The following ADAMTS9 variants were observed in gnomAD, a reference collection of about 807,000 sequenced individuals.
The protein encoded by ADAMTS9 is ADAM metallopeptidase with thrombospondin type 1 motif 9.
ADAMTS9 carries 107 observed loss-of-function variants against 257.1 expected under a neutral mutation model. That is an observed-to-expected ratio of 0.42 (90% CI 0.36 to 0.49). The LOEUF is 0.49. ADAMTS9 is among the 20% of genes least tolerant of loss of function. The pLI is 0.03. For synonymous variants in ADAMTS9, 982 were observed against 880.9 expected, an observed-to-expected ratio of 1.11 and a Z score of -2.03; for missense variants, 2,353 against 2,469.1, an observed-to-expected ratio of 0.95 and a Z score of 1.00.
rs368793760 is a variant in ADAMTS9, at chr3:64,616,217, A to G, written c.2814-47T>C. The stretch of plus-strand genomic sequence containing the variant: ...AAACCAACATTTCTGTTAAAAATAT[A>G]TGCCTTATCTATAGTCAACTGGTAT... On this transcript the variant is annotated intron_variant, in intron 19 of 39. Transcript: ENST00000498707. The G allele has an allele frequency of 8.2e-6, 13 of 1,590,992 alleles. No individual in the cohort carries two copies. In the African/African-American group the frequency reaches 1.5e-4, roughly 18 times the overall value.
intron 3 of ADAMTS9, among the ~76,000 whole-genome samples, chr3:64,677,413 A>G (rs1333829660): frequency 1.3e-5 from 2 of 152,212 alleles, no homozygotes; most frequent in Non-Finnish European, 2.9e-5. Flanking sequence ...AACTTGCAAG[A>G]AAGAAAATAT....
At chr3:64,582,097 G>T (rs1389041534) in intron 28 of ADAMTS9, among the ~76,000 whole-genome samples, 2 of 152,122 alleles carry the variant, frequency 1.3e-5, no homozygotes, top group African/African-American at 2.4e-5. Flanking sequence ...TCTCAGAGTT[G>T]TACCTGCCGT....
At chr3:64,596,704 A>T in intron 27 of ADAMTS9, 126 bp downstream of exon 27, 1 of 1,138,488 alleles carries the variant, frequency 8.8e-7, no homozygotes, top group Non-Finnish European at 1.2e-6. Context: ...CAGGTTTCCT[A>T]GTTAATCCCC....
chr3:64,538,844 T>A (rs2083084727), intron 37 of ADAMTS9, among the ~76,000 whole-genome samples: 1 of 152,024 alleles, frequency 6.6e-6, no homozygotes, highest in African/African-American at 2.4e-5. Context: ...TTTTTAGAAG[T>A]GTCAGTCATT....
intron 8 of ADAMTS9, among the ~76,000 whole-genome samples, chr3:64,653,251 T>C (rs1700976985): frequency 6.6e-6 from 1 of 152,326 alleles, no homozygotes. Flanking sequence ...CAAGGCTTCC[T>C]TGAGTTTCAC....
intron 28 of ADAMTS9, among the ~76,000 whole-genome samples, chr3:64,569,511 T>A (rs2083625196): frequency 6.6e-6 from 1 of 152,244 alleles, no homozygotes; most frequent in Admixed American, 6.5e-5. Context: ...ATTCAATATT[T>A]ATTTCCCCCA....
intron 26 of ADAMTS9, among the ~76,000 whole-genome samples, chr3:64,598,567 G>T (rs1231882054): frequency 1.3e-5 from 2 of 151,986 alleles, no homozygotes; most frequent in Non-Finnish European, 2.9e-5. Context: ...CAATCCTCCT[G>T]TCTTAGCCTC....
In ADAMTS9 at chr3:64,687,671, C is replaced by G; in HGVS notation, c.-14G>C. ...TACAAACTGCATGGTGCTTCCCACC[C>G]CTCCCTCCGCTGCCCCCACCCCCCT... On this transcript the variant is annotated 5_prime_UTR_variant, in exon 1 of 40. Transcript: ENST00000498707. The surrounding 1 kb of genome is among the most constrained non-coding windows in gnomAD (Gnocchi z 4.4). 1.3e-6 allele frequency: 2 copies of G among 1,496,114 alleles called. No homozygotes were observed. Among genetic ancestry groups the G allele is most frequent in the Non-Finnish European group, 1.8e-6 (2 of 1,112,572 alleles). 92.7% of individuals were successfully genotyped at this position (1,496,114 alleles called of 1,614,324 possible). A position where few individuals can be genotyped will look rare whatever the true frequency, so the allele number is the denominator to read the frequency against.
At chr3:64,521,242 C>T (rs1395708553) in intron 39 of ADAMTS9, among the ~76,000 whole-genome samples, 3 of 152,098 alleles carry the variant, frequency 2.0e-5, no homozygotes, top group African/African-American at 7.2e-5. Flanking sequence ...CAAAACCACA[C>T]TGAGATAACA....
intron 11 of ADAMTS9, among the ~76,000 whole-genome samples, chr3:64,645,902 C>T (rs931752105): frequency 6.6e-6 from 1 of 152,206 alleles, no homozygotes; most frequent in African/African-American, 2.4e-5. Flanking sequence ...CCTACGATCC[C>T]TCCTCTTCTG....
At chr3:64,606,892 TA>T in intron 23 of ADAMTS9, 67 bp downstream of exon 23, 1 of 1,588,216 alleles carries the variant, frequency 6.3e-7, no homozygotes. Context: ...CAATTTTGTC[TA>T]AACAGCTGGG....
At chr3:64,618,141 C>A (rs1338288043) in intron 19 of ADAMTS9, among the ~76,000 whole-genome samples, 2 of 152,186 alleles carry the variant, frequency 1.3e-5, no homozygotes. Flanking sequence ...TAGGAATGAG[C>A]ATGCACCTGT....
At chr3:64,674,396 G>T (rs932605836) in intron 3 of ADAMTS9, among the ~76,000 whole-genome samples, 2 of 152,204 alleles carry the variant, frequency 1.3e-5, no homozygotes, top group Admixed American at 6.5e-5. Flanking sequence ...GTCTTGAGTT[G>T]CAGTGCCAGC....
chr3:64,602,179 C>T lies in ADAMTS9; in HGVS notation c.3782G>A (p.Arg1261Gln), dbSNP rs1475613318. Residue 1261 changes from arginine to glutamine, a missense_variant, in exon 26 of 40, where the codon CGG becomes CAG. Physicochemically the swap from Arg to Gln is conservative, Grantham distance 43. Transcript: ENST00000498707. The stretch of plus-strand genomic sequence containing the variant: ...ACTGTAGTTGACACACATCACTTGC[C>T]GGGTTGCCCTACCTTGCCCACAGGT... ...SVTCGQGRATRQVMCVNYSDH... is the reference protein window; with the variant it reads ...SVTCGQGRATQQVMCVNYSDH... The T allele has an allele frequency of 6.2e-7, 1 of 1,613,862 alleles. No individual in the cohort carries two copies. Among genetic ancestry groups the T allele is most frequent in the Non-Finnish European group, 8.5e-7 (1 of 1,179,956 alleles).
intron 32 of ADAMTS9, among the ~76,000 whole-genome samples, chr3:64,542,913 A>AG (rs1375398441): frequency 7.2e-6 from 1 of 138,980 alleles, no homozygotes; most frequent in African/African-American, 3.1e-5. Flanking sequence ...AATAGACACA[A>AG]TAAAAAATGA....
intron 30 of ADAMTS9, among the ~76,000 whole-genome samples, chr3:64,561,065 CTT>C (rs57577807): frequency 6.0e-5 from 5 of 83,572 alleles, no homozygotes; most frequent in Non-Finnish European, 6.9e-5. Flanking sequence ...AGATACCATC[CTT>C]TTTTTTTTTT....
At chr3:64,558,901 C>T (rs934032270) in intron 30 of ADAMTS9, among the ~76,000 whole-genome samples, 5 of 152,088 alleles carry the variant, frequency 3.3e-5, no homozygotes, top group East Asian at 3.9e-4. Context: ...CAGGTCAAGA[C>T]GTCACTAGGT....
chr3:64,545,851 C>T (rs1043632553), intron 32 of ADAMTS9, among the ~76,000 whole-genome samples: 2 of 152,170 alleles, frequency 1.3e-5, no homozygotes, highest in Admixed American at 6.5e-5. Flanking sequence ...CGACCATGGC[C>T]TCTCAAAGTG....
chr3:64,631,812 A>G lies in ADAMTS9; in HGVS notation c.2289T>C (p.His763=), dbSNP rs767090143. Residue 763 remains histidine (H), a synonymous_variant, in exon 15 of 40, where the codon CAT becomes CAC. Coordinates refer to ENST00000498707, the MANE Select transcript of ADAMTS9 (RefSeq NM_182920.2). ...KTVAGTFNTV[H]YGYNTVVRIP... ...TTCTTAGGAGCAGATTCTTACCATA[A>G]TGTACTGTATTAAATGTTCCTGCCA... 6.8e-6 allele frequency: 11 copies of G among 1,610,774 alleles called. No individual in the cohort carries two copies. In the South Asian group the frequency reaches 1.2e-4, roughly 18 times the overall value.
Sources: gnomAD v4.1 joint callset for allele counts (sites outside exome capture counted in the v4.1 genomes callset) on GRCh38, gnomAD v4.1.1 for gene constraint, Gnocchi (gnomAD v3.1) non-coding constraint, MANE v1.5 for transcripts, NCBI Gene and HGNC (gene_info 2026-07-23, HGNC 2026-07-21) for gene names.